PPFIA1: variants seen among roughly 807,000 people sequenced by gnomAD.
The protein encoded by PPFIA1 is PPFI scaffold protein A1.
In PPFIA1, 25 loss-of-function variants were observed where a neutral mutation model predicts 149.9. The ratio of observed to expected loss-of-function variants is 0.17; its 90% CI spans 0.12 to 0.23. The LOEUF is 0.23. Among genes scored for constraint, PPFIA1 ranks in the 10% least tolerant of loss-of-function variants. The probability of loss-of-function intolerance (pLI) is 1.00; values close to 1 mark genes in which losing one functional copy is unlikely to be tolerated. For missense variants in PPFIA1, 1,362 were observed against 1,506.5 expected (o/e 0.90, Z 1.59); for synonymous variants, 549 against 552.8 (o/e 0.99, Z 0.10).
At chr11:70,298,203 A>T (rs967742334) in intron 2 of PPFIA1, among the ~76,000 whole-genome samples, 1 of 152,186 alleles carries the variant, frequency 6.6e-6, no homozygotes, top group African/African-American at 2.4e-5. Context: ...GTTCCTGATT[A>T]TTCCATTTCA....
chr11:70,336,086 A>C (rs1156508050), intron 11 of PPFIA1, among the ~76,000 whole-genome samples: 3 of 152,222 alleles, frequency 2.0e-5, no homozygotes, highest in Non-Finnish European at 4.4e-5. Context: ...CTATGTTCCA[A>C]TAAAATTCAT....
rs370153835 is a variant in PPFIA1 at position 70,282,674 on chromosome 11, G to C, written c.264+10238G>C. Reference sequence around the variant, plus strand: ...CTCCCCAGTAGCTGGGACTACAGGTGCCCGCCACTACATCCAGCTAGTTTT... The same window carrying C: ...CTCCCCAGTAGCTGGGACTACAGGTCCCCGCCACTACATCCAGCTAGTTTT... On this transcript the variant is annotated intron_variant, in intron 2 of 27. Transcript: ENST00000253925. Among the ~76,000 whole-genome samples the C allele has an allele frequency of 5.1e-4, 77 of 150,010 alleles. 1 individual carries two copies. In the South Asian group the frequency reaches 0.01, roughly 20 times the overall value.
intron 21 of PPFIA1, among the ~76,000 whole-genome samples, chr11:70,370,455 T>C (rs149480338): frequency 0.22 from 33,079 of 151,482 alleles, 5,499 homozygotes; most frequent in African/African-American, 0.46. Flanking sequence ...GGCATGATCT[T>C]GGCTCACTGC....
At chr11:70,326,153 A>G (rs780179868) in intron 5 of PPFIA1, 109 bp from the exon 6 acceptor site, 92 of 643,998 alleles carry the variant, frequency 1.4e-4, no homozygotes, top group Non-Finnish European at 2.3e-4. Flanking sequence ...TCTCTTTTAT[A>G]CTATGTTAAG....
chr11:70,296,303 C>T (rs2052012687), intron 2 of PPFIA1, among the ~76,000 whole-genome samples: 1 of 152,124 alleles, frequency 6.6e-6, no homozygotes, highest in Admixed American at 6.5e-5. Flanking sequence ...AGGCTGCACT[C>T]TGGGCACTTT....
chr11:70,295,069 G>A (rs1489162598), intron 2 of PPFIA1, among the ~76,000 whole-genome samples: 4 of 152,160 alleles, frequency 2.6e-5, no homozygotes, highest in Non-Finnish European at 5.9e-5. Context: ...GAGCTGTTGG[G>A]TACACCTCCC....
At chr11:70,289,643 C>T (rs554640425) in intron 2 of PPFIA1, among the ~76,000 whole-genome samples, 2 of 152,302 alleles carry the variant, frequency 1.3e-5, no homozygotes, top group African/African-American at 4.8e-5. Context: ...TAAACAGGTT[C>T]ATTTGTTCCT....
chr11:70,365,681 G>T (rs928464223), intron 21 of PPFIA1: 2 of 354,670 alleles, frequency 5.6e-6, no homozygotes, highest in Non-Finnish European at 1.1e-5. Context: ...TCCTTTTGGA[G>T]AGATCTCAGT....
chr11:70,370,099 T>TA (rs1219171515), intron 21 of PPFIA1, among the ~76,000 whole-genome samples: 2 of 151,828 alleles, frequency 1.3e-5, no homozygotes, highest in East Asian at 3.9e-4. Flanking sequence ...TACAGGCATG[T>TA]GCCACCATGC....
chr11:70,376,053 A>G (rs1166119712), intron 24 of PPFIA1, among the ~76,000 whole-genome samples: 1 of 151,046 alleles, frequency 6.6e-6, no homozygotes, highest in Non-Finnish European at 1.5e-5. Context: ...CAATGGTGCA[A>G]TCTTGGCTCA....
chr11:70,275,070 G>C (rs1178822331), intron 2 of PPFIA1, among the ~76,000 whole-genome samples: 3 of 152,222 alleles, frequency 2.0e-5, no homozygotes, highest in Non-Finnish European at 4.4e-5. Flanking sequence ...CAATGTATGA[G>C]AAGTCAGTTG....
In PPFIA1 at chr11:70,362,088, T is replaced by C; in HGVS notation, c.2583-7T>C. 3.1e-6 allele frequency: 5 copies of C among 1,613,370 alleles called. No homozygotes were observed. The highest frequency in any genetic ancestry group is 2.5e-6 in the Non-Finnish European group (3 of 1,179,408). On this transcript the variant is annotated splice_polypyrimidine_tract_variant and splice_region_variant and intron_variant, in intron 19 of 27. Coordinates refer to ENST00000253925, the MANE Select transcript of PPFIA1 (RefSeq NM_003626.5). ...TTCTTTAATTTTCAATATCTTCTCC[T>C]TTATAGGCATGAATTGCTGGAGGAA...
intron 2 of PPFIA1, among the ~76,000 whole-genome samples, chr11:70,279,725 GT>G (rs1301902680): frequency 3.1e-5 from 2 of 64,396 alleles, no homozygotes; most frequent in African/African-American, 1.8e-4. Context: ...GTGTCTAGGT[GT>G]GTGTGTGTGT....
intron 2 of PPFIA1, among the ~76,000 whole-genome samples, chr11:70,276,057 A>G (rs989909363): frequency 6.6e-6 from 1 of 152,178 alleles, no homozygotes; most frequent in Non-Finnish European, 1.5e-5. Flanking sequence ...GATTTTCTGC[A>G]TCTTTTGAGA....
chr11:70,359,759 A>G (rs555775567), intron 19 of PPFIA1, among the ~76,000 whole-genome samples: 3 of 152,388 alleles, frequency 2.0e-5, no homozygotes, highest in Admixed American at 6.5e-5. Context: ...CACAAATTAT[A>G]TGACCTTTTT....
chr11:70,370,751 C>A (rs1175662031), intron 21 of PPFIA1, among the ~76,000 whole-genome samples: 1 of 152,062 alleles, frequency 6.6e-6, no homozygotes, highest in Non-Finnish European at 1.5e-5. Context: ...CATTGATAAT[C>A]CTTTGTCGTG....
At chr11:70,300,747 A>G (rs1038267556) in intron 2 of PPFIA1, among the ~76,000 whole-genome samples, 1 of 152,034 alleles carries the variant, frequency 6.6e-6, no homozygotes, top group African/African-American at 2.4e-5. Context: ...GTTGGCCAGG[A>G]TGGTCTCGAT....
At chr11:70,286,199 C>T (rs986686901) in intron 2 of PPFIA1, among the ~76,000 whole-genome samples, 4 of 152,252 alleles carry the variant, frequency 2.6e-5, no homozygotes, top group South Asian at 2.1e-4. Flanking sequence ...ATCTTTCCCC[C>T]GCATCCGTAC....
chr11:70,342,999 G>A (rs1262041222), intron 14 of PPFIA1, among the ~76,000 whole-genome samples: 1 of 133,458 alleles, frequency 7.5e-6, no homozygotes, highest in Non-Finnish European at 1.5e-5. Context: ...CCAGGCTGGA[G>A]TGCAGTGGCG....
Sources: allele counts gnomAD v4.1 joint callset (sites outside exome capture counted in the v4.1 genomes callset), GRCh38; gene constraint gnomAD v4.1.1; transcripts MANE v1.5; gene names NCBI Gene and HGNC (gene_info 2026-07-23, HGNC 2026-07-21).